The following CFAP54 variants were observed in gnomAD, a reference collection of about 807,000 sequenced individuals.
CFAP54 encodes the protein cilia- and flagella-associated protein 54.
CFAP54 carries 290 observed loss-of-function variants against 370.4 expected under a neutral mutation model. The observed-to-expected ratio is 0.78, with a 90% CI of 0.71 to 0.86. The LOEUF is 0.86. Ranked by LOEUF, CFAP54 falls within the 40% of genes least tolerant of loss-of-function variation. The pLI, the probability that CFAP54 is intolerant of heterozygous loss-of-function variation, is 0.00. For missense variants in CFAP54, 3,399 were observed against 3,528.7 expected (o/e 0.96, Z 0.93); for synonymous variants, 1,206 against 1,236.5 (o/e 0.98, Z 0.52).
chr12:96,802,368 T>G (rs1958829134), intron 63 of CFAP54, among the ~76,000 whole-genome samples: 1 of 151,892 alleles, frequency 6.6e-6, no homozygotes, highest in Admixed American at 6.6e-5. Flanking sequence ...TTGGGCCGAG[T>G]TCAAGGCCCA....
rs144077658 is a variant in CFAP54, at chr12:96,586,323, A to G, written c.3076-3104A>G. Reference sequence around the variant, plus strand: ...TTCTAAGCAACGTGAACAGAATGCCATGGTAGGAGATAGGTAATAAACAAT... The same window carrying G: ...TTCTAAGCAACGTGAACAGAATGCCGTGGTAGGAGATAGGTAATAAACAAT... On this transcript the variant is annotated intron_variant, in intron 22 of 67. Coordinates refer to ENST00000524981, the MANE Select transcript of CFAP54 (RefSeq NM_001306084.2). Among the ~76,000 whole-genome samples the G allele has an allele frequency of 1.6e-3, 241 of 152,316 alleles. 7 individuals are homozygous for G. The East Asian group carries it at 0.044, about 28-fold the overall frequency.
At chr12:96,751,984 A>G (rs1027400751) in intron 55 of CFAP54, among the ~76,000 whole-genome samples, 9 of 151,646 alleles carry the variant, frequency 5.9e-5, no homozygotes, top group Non-Finnish European at 8.8e-5. Context: ...TTTCCTCTCC[A>G]TATTCTTCTT....
At chr12:96,546,058 A>T (rs760539108) in intron 14 of CFAP54, among the ~76,000 whole-genome samples, 17 of 152,252 alleles carry the variant, frequency 1.1e-4, no homozygotes, top group South Asian at 4.1e-4. Context: ...AGGGGGTCAC[A>T]GGAACTTTAG....
rs1030383617 is a variant in CFAP54, at chr12:96,527,337, C to G, written c.1250C>G (p.Ser417Cys). 4 of 1,535,762 alleles carry G rather than the reference C, an allele frequency of 2.6e-6. No individual in the cohort carries two copies. The highest frequency in any genetic ancestry group is 3.5e-6 in the Non-Finnish European group (4 of 1,146,710). ...TTTCTGGCTGTCTTGGAAGCTCTTTCTGATTCAAATAGGCGAATACTGCAA... is the reference window on the plus strand; with the variant it reads ...TTTCTGGCTGTCTTGGAAGCTCTTTGTGATTCAAATAGGCGAATACTGCAA... Reference protein sequence around the residue: ...SQFLAVLEALSDSNRRILQTG... With the variant: ...SQFLAVLEALCDSNRRILQTG... Residue 417 changes from serine (S) to cysteine (C), a missense_variant, in exon 9 of 68, where the codon TCT becomes TGT. By Grantham distance (112) the Ser-to-Cys change is moderately radical. Coordinates refer to ENST00000524981, the MANE Select transcript of CFAP54 (RefSeq NM_001306084.2).
At chr12:96,627,122 C>T (rs1251333866) in intron 30 of CFAP54, among the ~76,000 whole-genome samples, 183 bp downstream of exon 30, 1 of 152,048 alleles carries the variant, frequency 6.6e-6, no homozygotes, top group African/African-American at 2.4e-5. Context: ...AATATATATA[C>T]AATGTACTCA....
intron 1 of CFAP54, among the ~76,000 whole-genome samples, chr12:96,494,421 C>A (rs190004061): frequency 1.6e-4 from 25 of 152,210 alleles, no homozygotes; most frequent in Non-Finnish European, 3.4e-4. Flanking sequence ...CTGCCTCAGC[C>A]TCCTGAGTAG....
intron 26 of CFAP54, among the ~76,000 whole-genome samples, chr12:96,620,750 G>C (rs1956478320): frequency 6.6e-6 from 1 of 152,134 alleles, no homozygotes; most frequent in Non-Finnish European, 1.5e-5. Context: ...TCAGATTGCT[G>C]GCCAGGGCAG....
chr12:96,660,522 AT>A (rs1956982032), intron 38 of CFAP54, among the ~76,000 whole-genome samples: 1 of 152,120 alleles, frequency 6.6e-6, no homozygotes, highest in Admixed American at 6.6e-5. Context: ...AACTGCCTAT[AT>A]CAGCCAAAGT....
Position 96,594,331 on chromosome 12 carries a change from T to A in CFAP54, c.3401T>A (p.Leu1134Ter). Residue 1134 changes from leucine (L) to a stop codon, truncating the protein, a stop_gained, in exon 25 of 68, where the codon TTG (leucine) becomes TAG (stop). Transcript: ENST00000524981. LOFTEE classifies it high-confidence loss of function. ...LIECERVLVA[L>*]ELSNFLNDSS... ...GAATGTGAGAGAGTATTAGTGGCAT[T>A]GGAACTTAGCAACTTCCTAAATGAT... 3.3e-6 allele frequency: 5 copies of A among 1,534,932 alleles called. No individual in the cohort carries two copies. Among genetic ancestry groups the A allele is most frequent in the Non-Finnish European group, 4.4e-6 (5 of 1,146,066 alleles).
chr12:96,845,728 C>G (rs1423879766), intron 66 of CFAP54, among the ~76,000 whole-genome samples: 1 of 152,228 alleles, frequency 6.6e-6, no homozygotes, highest in Non-Finnish European at 1.5e-5. Flanking sequence ...AATAAACTTT[C>G]TGACAGCTAA....
chr12:96,750,750 A>T (rs770979611), intron 55 of CFAP54, among the ~76,000 whole-genome samples: 1 of 152,206 alleles, frequency 6.6e-6, no homozygotes, highest in Non-Finnish European at 1.5e-5. Flanking sequence ...CCACTCAATG[A>T]CAATACTGTT....
At chr12:96,749,943 G>C (rs1958164183) in intron 55 of CFAP54, among the ~76,000 whole-genome samples, 1 of 152,132 alleles carries the variant, frequency 6.6e-6, no homozygotes, top group Non-Finnish European at 1.5e-5. Context: ...AGCTAGTTCT[G>C]CCTATATGGG....
At chr12:96,714,899 T>G (rs542260749) in intron 48 of CFAP54, among the ~76,000 whole-genome samples, 1 of 152,212 alleles carries the variant, frequency 6.6e-6, no homozygotes, top group African/African-American at 2.4e-5. Flanking sequence ...CATGATACCC[T>G]TAAGTAGGCA....
Position 96,681,760 on chromosome 12 carries a change from G to A in CFAP54, c.5716+2008G>A, listed in dbSNP as rs570401173. 9.2e-5 allele frequency among the ~76,000 whole-genome samples: 14 copies of A among 152,090 alleles called. No homozygotes were observed. The South Asian group carries it at 2.3e-3, about 25-fold the overall frequency. ...TGGGACTATAGACATGCGCCACCAC[G>A]CCCGGCTAATTTATTTTTAGTAGAG... On this transcript the variant is annotated intron_variant, in intron 40 of 67. Transcript: ENST00000524981.
intron 36 of CFAP54, 63 bp downstream of exon 36, chr12:96,651,878 G>A (rs1956862170): frequency 2.0e-6 from 2 of 998,430 alleles, no homozygotes; most frequent in African/African-American, 3.6e-5. Context: ...TGTGCATCTT[G>A]GTATAAGTAG....
chr12:96,503,824 A>G, intron 2 of CFAP54, 62 bp from the exon 3 acceptor site: 8 of 1,254,324 alleles, frequency 6.4e-6, no homozygotes, highest in Non-Finnish European at 7.5e-6. Flanking sequence ...TATGAATATT[A>G]CCTAATAATG....
chr12:96,597,641 T>A (rs1034720819), intron 25 of CFAP54, among the ~76,000 whole-genome samples: 2 of 151,716 alleles, frequency 1.3e-5, no homozygotes, highest in African/African-American at 2.4e-5. Flanking sequence ...GAATTAGAGC[T>A]ATACCTGTAG....
chr12:96,800,279 G>A (rs1301242403), intron 63 of CFAP54, among the ~76,000 whole-genome samples: 2 of 152,068 alleles, frequency 1.3e-5, no homozygotes, highest in Admixed American at 6.6e-5. Context: ...AGTGTAACAA[G>A]GTTTTATCCA....
At chr12:96,777,247 T>A (rs879200332) in intron 60 of CFAP54, among the ~76,000 whole-genome samples, 2 of 152,222 alleles carry the variant, frequency 1.3e-5, no homozygotes, top group Admixed American at 6.5e-5. Context: ...GGAGTGTTTT[T>A]TGTGTGCTTC....
Sources: allele counts gnomAD v4.1 joint callset (sites outside exome capture counted in the v4.1 genomes callset), GRCh38; gene constraint gnomAD v4.1.1; transcripts MANE v1.5; gene names NCBI Gene and HGNC (gene_info 2026-07-23, HGNC 2026-07-21).